The following STAT6 variants were observed in gnomAD, a reference collection of about 807,000 sequenced individuals.
The protein encoded by STAT6 is signal transducer and activator of transcription 6, also known as STAT, interleukin4-induced.
STAT6 carries 45 observed loss-of-function variants against 106.3 expected under a neutral mutation model. That is an observed-to-expected ratio of 0.42 (90% CI 0.33 to 0.54). The LOEUF (loss-of-function observed/expected upper bound fraction) is 0.54, where lower values mean the gene tolerates loss of function less well. Ranked by LOEUF, STAT6 falls within the 20% of genes least tolerant of loss-of-function variation. STAT6 has a pLI of 0.06. For missense variants in STAT6, 797 were observed against 1,062.2 expected, an observed-to-expected ratio of 0.75 and a Z score of 3.47; for synonymous variants, 413 against 413.6, an observed-to-expected ratio of 1.00 and a Z score of 0.02.
chr12:57,105,649 C>A (rs12721590), intron 7 of STAT6, 50 bp from the exon 8 acceptor site: 3 of 1,589,582 alleles, frequency 1.9e-6, no homozygotes, highest in Non-Finnish European at 2.6e-6. Context: ...CTGCTTGCTC[C>A]GGCCCAGACC....
At position 57,106,466 on chromosome 12, in the gene STAT6, C is replaced by G. The variant is rs1162146111; in HGVS notation, c.531+62G>C. On this transcript the variant is annotated intron_variant, in intron 6 of 21. Coordinates refer to ENST00000300134, the MANE Select transcript of STAT6 (RefSeq NM_003153.5). ...ACTTCAGCCTGTGTCTTTCTGAGGTCTAGCTTCCATCCCTCCAGCTGCACT... is the reference window on the plus strand; with the variant it reads ...ACTTCAGCCTGTGTCTTTCTGAGGTGTAGCTTCCATCCCTCCAGCTGCACT... 3 of 1,609,976 alleles carry G rather than the reference C, an allele frequency of 1.9e-6. No individual in the cohort carries two copies. The Admixed American group carries it at 5.0e-5, about 27-fold the overall frequency.
In STAT6 at chr12:57,096,488, T is replaced by C. The variant is rs769460806; in HGVS notation, c.*84A>G. 5.8e-5 allele frequency: 80 copies of C among 1,367,676 alleles called. No homozygotes were observed. In the Middle Eastern group the frequency reaches 9.3e-4, roughly 16 times the overall value. The allele number at this position is 1,367,676 out of a possible 1,614,324, so 84.7% of individuals were successfully genotyped here. A position where few individuals can be genotyped will look rare whatever the true frequency, so the allele number is the denominator to read the frequency against. On this transcript the variant is annotated 3_prime_UTR_variant, in exon 22 of 22. Transcript: ENST00000300134. ...GGAGGGCACCCTCCCCATCTGCTGC[T>C]TGGCAGGGCATGAGCAAGTGTCCAG... is the stretch of plus-strand genomic sequence containing the variant.
intron 13 of STAT6, chr12:57,100,736 AAG>A (rs1444128323): frequency 1.6e-5 from 4 of 257,868 alleles, no homozygotes; most frequent in South Asian, 3.0e-5. Flanking sequence ...GAAAGAAAGA[AAG>A]AAAGAAAGAA....
At chr12:57,100,765 A>G (rs2033875953) in intron 13 of STAT6, 2 of 293,662 alleles carry the variant, frequency 6.8e-6, no homozygotes, top group Admixed American at 4.8e-5. Context: ...AAAAAACCAA[A>G]ACATAAAATA....
At position 57,105,169 on chromosome 12, in the gene STAT6, T is replaced by C. The variant is rs773273505; in HGVS notation, c.983A>G (p.Gln328Arg). Reference protein sequence around the residue: ...EKQARELSVPQGPGAGAESTG... With the variant: ...EKQARELSVPRGPGAGAESTG... The stretch of plus-strand genomic sequence containing the variant: ...AGCTTACGCTCCAGCCCCAGGACCC[T>C]GAGGCACACTCAGCTCCCGCGCCTG... Residue 328 changes from glutamine (Q) to arginine (R), a missense_variant, in exon 9 of 22, where the codon CAG (glutamine) becomes CGG (arginine). By Grantham distance (43) the Gln-to-Arg change is conservative (BLOSUM62 1). Coordinates refer to ENST00000300134, the MANE Select transcript of STAT6 (RefSeq NM_003153.5). 20 of 1,612,878 alleles carry C rather than the reference T, an allele frequency of 1.2e-5. 1 individual carries two copies. The South Asian group carries it at 2.2e-4, about 18-fold the overall frequency.
intron 11 of STAT6, chr12:57,104,236 T>C: frequency 1.7e-6 from 1 of 580,212 alleles, no homozygotes; most frequent in Non-Finnish European, 3.0e-6. Flanking sequence ...TAGAGTGCCC[T>C]GGTCTATAGG....
chr12:57,098,840 C>A lies in STAT6; in HGVS notation c.2018G>T (p.Gly673Val). The A allele has an allele frequency of 6.2e-7, 1 of 1,613,304 alleles. No homozygotes were observed. Among genetic ancestry groups the A allele is most frequent in the Non-Finnish European group, 8.5e-7 (1 of 1,179,778 alleles). Residue 673 changes from glycine to valine, a missense_variant, in exon 18 of 22, where the codon GGA (glycine) becomes GTA (valine). Around this residue, in one of 4 missense-constraint regions of STAT6, gnomAD observed 226 missense variants for 236.7 expected, o/e 0.95. Coordinates refer to ENST00000300134, the MANE Select transcript of STAT6 (RefSeq NM_003153.5). ...MPTMVPSYDLGMAPDSSMSMQ... is the reference protein window; with the variant it reads ...MPTMVPSYDLVMAPDSSMSMQ... ...GCTCATGGAGGAATCAGGGGCCATT[C>A]CAAGGTCATAAGAAGGCACCATGGT... is the stretch of plus-strand genomic sequence containing the variant.
intron 6 of STAT6, 94 bp from the exon 7 acceptor site, chr12:57,106,433 C>T (rs2034283328): frequency 1.9e-6 from 3 of 1,607,206 alleles, no homozygotes; most frequent in South Asian, 2.2e-5. Flanking sequence ...CTGGCATTCC[C>T]TTGCCCTACT....
At position 57,106,768 on chromosome 12, in the gene STAT6, G is replaced by A. The variant is rs768641653; in HGVS notation, c.403C>T (p.Arg135Trp). 18 of 1,613,382 alleles carry A rather than the reference G, an allele frequency of 1.1e-5. No individual in the cohort carries two copies. The highest frequency in any genetic ancestry group is 1.7e-5 in the Admixed American group (1 of 59,972). ...TCCCCTACTCGGTGCTGCAGCCTCC[G>A]CAAGCCTGTCTTAAACTTGAGTTCT... ...QEELKFKTGL[R>W]RLQHRVGEIH... The change falls in exon 5 of 22, where the codon CGG (arginine) becomes TGG (tryptophan). Residue 135 changes from arginine to tryptophan, a missense_variant. Coordinates refer to ENST00000300134, the MANE Select transcript of STAT6 (RefSeq NM_003153.5).
rs754287062 is a variant in STAT6, at chr12:57,106,352, A to AGGGGCCTGAGCC, written c.532-25_532-14dup. 4.4e-5 allele frequency: 71 copies of AGGGGCCTGAGCC among 1,614,032 alleles called. No homozygotes were observed. In the Admixed American group the frequency reaches 1.2e-3, roughly 27 times the overall value. On this transcript the variant is annotated splice_polypyrimidine_tract_variant and intron_variant, in intron 6 of 21. Coordinates refer to ENST00000300134, the MANE Select transcript of STAT6 (RefSeq NM_003153.5). ...GCATGGCCAGGGCCTATGGGCAGAG[A>AGGGGCCTGAGCC]GGGGCCTGAGCCAGGGCCTCACGCT... is the stretch of plus-strand genomic sequence containing the variant.
chr12:57,105,426 C>G (rs368772883), intron 8 of STAT6, 42 bp downstream of exon 8: 35 of 1,610,200 alleles, frequency 2.2e-5, no homozygotes, highest in Middle Eastern at 1.7e-4. Flanking sequence ...CTTTTCTTCC[C>G]GAGGTCTGTT....
rs1340276790 is a variant in STAT6, at chr12:57,106,708, C to T, written c.463G>A (p.Ala155Thr). 5 of 1,614,166 alleles carry T rather than the reference C, an allele frequency of 3.1e-6. No individual in the cohort carries two copies. Among genetic ancestry groups the T allele is most frequent in the Admixed American group, 3.3e-5 (2 of 60,024 alleles). Residue 155 changes from alanine to threonine, a missense_variant, in exon 5 of 22, where the codon GCT becomes ACT. Ala to Thr is a moderately conservative substitution (Grantham distance 58, BLOSUM62 0). Transcript: ENST00000300134. ...HLLREALQKG[A>T]EAGQVSLHSL... The stretch of plus-strand genomic sequence containing the variant: ...TGGCCCCCACCTTGGCCAGCCTCAG[C>T]CCCCTTCTGCAGGGCTTCTCGGAGA...
At position 57,104,529 on chromosome 12, in the gene STAT6, TCTC is replaced by T. The variant is rs2034151507; in HGVS notation, c.1144_1146del (p.Glu382del). 1.2e-6 allele frequency: 2 copies of T among 1,613,744 alleles called. No homozygotes were observed. Among genetic ancestry groups the T allele is most frequent in the Admixed American group, 1.7e-5 (1 of 59,964 alleles). ...CTGGCAGAGAAGAGCACAGCGCACT[TCTC>T]CTCTGTGACAGACTCAGTGCCCTTC... is the stretch of plus-strand genomic sequence containing the variant. On this transcript the variant is annotated inframe_deletion, in exon 11 of 22. Coordinates refer to ENST00000300134, the MANE Select transcript of STAT6 (RefSeq NM_003153.5).
chr12:57,098,668 G>A, intron 18 of STAT6, 71 bp from the exon 19 acceptor site: 1 of 1,568,908 alleles, frequency 6.4e-7, no homozygotes, highest in African/African-American at 1.4e-5. Flanking sequence ...CTTTTGAACA[G>A]GTGTCCCTCT....
Position 57,099,890 on chromosome 12 carries a change from A to T in STAT6, c.1621T>A (p.Phe541Ile). 6.2e-7 allele frequency: 1 copy of T among 1,614,258 alleles called. No homozygotes were observed. The highest frequency in any genetic ancestry group is 8.5e-7 in the Non-Finnish European group (1 of 1,180,044). The change falls in exon 15 of 22, where the codon TTC (phenylalanine) becomes ATC (isoleucine). Residue 541 changes from phenylalanine to isoleucine, a missense_variant. By Grantham distance (21) the Phe-to-Ile change is conservative. This residue lies in a region of STAT6 where 222 missense variants were observed against 354.6 expected (regional missense o/e 0.63). Coordinates refer to ENST00000300134, the MANE Select transcript of STAT6 (RefSeq NM_003153.5). The surrounding 1 kb of genome is among the most constrained non-coding windows in gnomAD (Gnocchi z 4.7). ...CTAGTAACGTACTGTTTGCTGATGA[A>T]GCCAATGATCAGCCTGGCCGGGATG... Reference protein sequence around the residue: ...SYWSDRLIIGFISKQYVTSLL... With the variant: ...SYWSDRLIIGIISKQYVTSLL...
rs2034210734 is a variant in STAT6, at chr12:57,105,454, C to T, written c.812+14G>A. The T allele has an allele frequency of 3.7e-6, 6 of 1,613,748 alleles. No individual in the cohort carries two copies. The highest frequency in any genetic ancestry group is 1.7e-5 in the Admixed American group (1 of 59,976). On this transcript the variant is annotated intron_variant, in intron 8 of 21. Transcript: ENST00000300134. Reference sequence around the variant, plus strand: ...GGTCTGTTCTAGGCCAGACTGGGAGCTCCCGGGGAATACCTGGTGACGAGG... The same window carrying T: ...GGTCTGTTCTAGGCCAGACTGGGAGTTCCCGGGGAATACCTGGTGACGAGG...
At position 57,105,597 on chromosome 12, in the gene STAT6, C is replaced by A; in HGVS notation, c.683G>T (p.Cys228Phe). ...EESLAPLQER[C>F]ESLVDIYSQL... ...GGAATAAATGTCCACCAGGCTTTCACACCTGGGGCCAGGACAGTGGTCAGG... is the reference window on the plus strand; with the variant it reads ...GGAATAAATGTCCACCAGGCTTTCAAACCTGGGGCCAGGACAGTGGTCAGG... Residue 228 changes from cysteine (C) to phenylalanine (F), a missense_variant and splice_region_variant, in exon 8 of 22, where the codon TGT becomes TTT. This residue lies in a region of STAT6 where 336 missense variants were observed against 429.8 expected (regional missense o/e 0.78). Coordinates refer to ENST00000300134, the MANE Select transcript of STAT6 (RefSeq NM_003153.5). 6.2e-7 allele frequency: 1 copy of A among 1,613,746 alleles called. No homozygotes were observed. Among genetic ancestry groups the A allele is most frequent in the South Asian group, 1.1e-5 (1 of 91,018 alleles).
intron 4 of STAT6, among the ~76,000 whole-genome samples, 171 bp from the exon 5 acceptor site, chr12:57,107,002 A>G (rs1324083504): frequency 6.6e-6 from 1 of 152,198 alleles, no homozygotes; most frequent in Non-Finnish European, 1.5e-5. Context: ...TAGCAGAATC[A>G]GCTCCTTATC....
intron 13 of STAT6, among the ~76,000 whole-genome samples, chr12:57,101,448 C>G (rs1158248504): frequency 6.8e-6 from 1 of 147,010 alleles, no homozygotes; most frequent in Non-Finnish European, 1.5e-5. Context: ...GTTTCATCTT[C>G]CCTGCAGCCT....
Sources: allele counts gnomAD v4.1 joint callset (sites outside exome capture counted in the v4.1 genomes callset), GRCh38; gene constraint gnomAD v4.1.1; regional missense constraint gnomAD v4.1.1; non-coding constraint Gnocchi (gnomAD v3.1); transcripts MANE v1.5; gene names NCBI Gene and HGNC (gene_info 2026-07-23, HGNC 2026-07-21).